DTL: variants seen among roughly 807,000 people sequenced by gnomAD.
DTL encodes denticleless protein homolog.
A neutral mutation model predicts 87.0 loss-of-function variants in DTL; 46 were observed. That is an observed-to-expected ratio of 0.53 (90% CI 0.42 to 0.68). The LOEUF (loss-of-function observed/expected upper bound fraction) is 0.68, where lower values mean the gene tolerates loss of function less well. DTL is among the 30% of genes least tolerant of loss of function. The pLI is 0.00. For synonymous variants in DTL, 308 were observed against 311.2 expected (o/e 0.99, Z 0.11); for missense variants, 737 against 869.4 (o/e 0.85, Z 1.91).
At chr1:212,044,463 G>C (rs967512751) in intron 2 of DTL, among the ~76,000 whole-genome samples, 197 bp from the exon 3 acceptor site, 5 of 152,154 alleles carry the variant, frequency 3.3e-5, no homozygotes, top group African/African-American at 7.2e-5. Context: ...AATTAGCTGG[G>C]CGTGGTGGCG....
chr1:212,057,027 T>A (rs1668198243), intron 5 of DTL, among the ~76,000 whole-genome samples: 1 of 152,138 alleles, frequency 6.6e-6, no homozygotes, highest in Non-Finnish European at 1.5e-5. Context: ...AATATATGAA[T>A]TTTCAGTGTC....
At chr1:212,041,949 C>T (rs1178284028) in intron 1 of DTL, among the ~76,000 whole-genome samples, 1 of 152,126 alleles carries the variant, frequency 6.6e-6, no homozygotes, top group Non-Finnish European at 1.5e-5. Context: ...CAGATTATGT[C>T]TATGAACATC....
chr1:212,101,156 G>T, intron 14 of DTL, 72 bp downstream of exon 14: 1 of 979,088 alleles, frequency 1.0e-6, no homozygotes, highest in Non-Finnish European at 1.4e-6. Flanking sequence ...TCTCAAGTCA[G>T]GATGCTTTTT....
intron 5 of DTL, among the ~76,000 whole-genome samples, chr1:212,062,555 G>A (rs754603714): frequency 7.9e-5 from 12 of 152,116 alleles, no homozygotes; most frequent in Admixed American, 2.0e-4. Flanking sequence ...TAAAACACGC[G>A]GGATAGTAGC....
chr1:212,061,733 CATT>C (rs376227688), intron 5 of DTL, among the ~76,000 whole-genome samples: 1 of 152,204 alleles, frequency 6.6e-6, no homozygotes, highest in Non-Finnish European at 1.5e-5. Context: ...TTCACATCAA[CATT>C]ATGTTAAACA....
chr1:212,067,825 G>A (rs1055385877), intron 8 of DTL, among the ~76,000 whole-genome samples: 13 of 152,178 alleles, frequency 8.5e-5, no homozygotes, highest in South Asian at 2.1e-4. Flanking sequence ...TATTTAAAGA[G>A]TTATGTATGG....
intron 5 of DTL, among the ~76,000 whole-genome samples, chr1:212,056,510 C>T (rs1229478215): frequency 1.3e-5 from 2 of 152,102 alleles, no homozygotes; most frequent in East Asian, 3.8e-4. Context: ...CACTACAAAC[C>T]AAATTCAAAA....
intron 13 of DTL, among the ~76,000 whole-genome samples, chr1:212,085,982 C>G (rs972555998): frequency 1.4e-4 from 21 of 152,198 alleles, no homozygotes; most frequent in Non-Finnish European, 2.4e-4. Context: ...TTCCATTGAT[C>G]TATGTATCTG....
At chr1:212,093,707 C>T (rs1469178555) in intron 13 of DTL, among the ~76,000 whole-genome samples, 1 of 152,176 alleles carries the variant, frequency 6.6e-6, no homozygotes, top group African/African-American at 2.4e-5. Context: ...TTTCTCTGCC[C>T]ATGTGTTCCT....
intron 5 of DTL, among the ~76,000 whole-genome samples, chr1:212,052,330 A>G (rs1417497580): frequency 1.3e-5 from 2 of 152,044 alleles, no homozygotes; most frequent in African/African-American, 2.4e-5. Context: ...GAATTTTTCT[A>G]TCATTTCTTG....
At chr1:212,054,587 AGT>A (rs1668105760) in intron 5 of DTL, among the ~76,000 whole-genome samples, 2 of 152,014 alleles carry the variant, frequency 1.3e-5, no homozygotes, top group African/African-American at 2.4e-5. Context: ...TGAGGTCAGG[AGT>A]TCGAGACCAG....
intron 5 of DTL, among the ~76,000 whole-genome samples, chr1:212,055,086 T>C (rs984913793): frequency 6.6e-6 from 1 of 152,178 alleles, no homozygotes; most frequent in East Asian, 1.9e-4. Context: ...AGTGAGATCG[T>C]AGATAATCAC....
At chr1:212,090,446 T>A (rs1655250505) in intron 13 of DTL, among the ~76,000 whole-genome samples, 1 of 149,470 alleles carries the variant, frequency 6.7e-6, no homozygotes, top group Non-Finnish European at 1.5e-5. Context: ...GAATTAAAAA[T>A]TATAGTTAAC....
At chr1:212,099,979 C>T (rs937541169) in intron 13 of DTL, among the ~76,000 whole-genome samples, 7 of 152,014 alleles carry the variant, frequency 4.6e-5, no homozygotes, top group African/African-American at 1.7e-4. Context: ...ACATGGTTTA[C>T]GTAAGTGCTT....
chr1:212,061,114 A>G (rs1298021525), intron 5 of DTL, among the ~76,000 whole-genome samples: 2 of 152,090 alleles, frequency 1.3e-5, no homozygotes, highest in Non-Finnish European at 2.9e-5. Context: ...AAATACAAAA[A>G]AATTAACTGG....
intron 13 of DTL, among the ~76,000 whole-genome samples, chr1:212,097,130 T>C (rs996083728): frequency 6.6e-6 from 1 of 152,222 alleles, no homozygotes; most frequent in Non-Finnish European, 1.5e-5. Context: ...ACAAAATTCT[T>C]GGCTGATAAT....
intron 6 of DTL, among the ~76,000 whole-genome samples, chr1:212,063,698 A>AT (rs531139442): frequency 1.3e-5 from 2 of 151,584 alleles, no homozygotes; most frequent in African/African-American, 2.4e-5. Flanking sequence ...ATTTATTAAA[A>AT]TTTTTTTTTG....
intron 13 of DTL, among the ~76,000 whole-genome samples, chr1:212,087,936 C>G (rs1655178435): frequency 6.6e-6 from 1 of 151,768 alleles, no homozygotes; most frequent in African/African-American, 2.4e-5. Flanking sequence ...TCTTTTTCTC[C>G]TGCCCTACCT....
intron 13 of DTL, among the ~76,000 whole-genome samples, chr1:212,086,430 T>C (rs1381535396): frequency 6.6e-6 from 1 of 152,258 alleles, no homozygotes; most frequent in Non-Finnish European, 1.5e-5. Context: ...TTTTCCCTTA[T>C]ACATAGAGAT....
Sources: allele counts gnomAD v4.1 joint callset (sites outside exome capture counted in the v4.1 genomes callset), GRCh38; gene constraint gnomAD v4.1.1; transcripts MANE v1.5; gene names NCBI Gene and HGNC (gene_info 2026-07-23, HGNC 2026-07-21).